NBEA: variants seen among roughly 807,000 people sequenced by gnomAD.
The protein encoded by NBEA is neurobeachin.
In NBEA, 44 loss-of-function variants were observed where a neutral mutation model predicts 343.4. The observed-to-expected ratio is 0.13, with a 90% CI of 0.10 to 0.16. NBEA has a LOEUF of 0.16. NBEA is among the 10% of genes least tolerant of loss of function. The pLI is 1.00. For missense variants in NBEA, 2,555 were observed against 3,631.3 expected, an observed-to-expected ratio of 0.70 and a Z score of 7.62; for synonymous variants, 1,175 against 1,238.7, an observed-to-expected ratio of 0.95 and a Z score of 1.08.
intron 44 of NBEA, among the ~76,000 whole-genome samples, chr13:35,557,644 C>T (rs578104545): frequency 5.1e-4 from 78 of 152,144 alleles, no homozygotes; most frequent in Non-Finnish European, 9.0e-4. Context: ...ACATGAAAGC[C>T]TGACTATTGT....
chr13:35,065,840 A>G (rs1160121391), intron 8 of NBEA, among the ~76,000 whole-genome samples: 1 of 152,068 alleles, frequency 6.6e-6, no homozygotes, highest in Non-Finnish European at 1.5e-5. Flanking sequence ...ATTCCTTTAT[A>G]TTATTGATTT....
chr13:34,994,198 C>CGA (rs1333878217), intron 1 of NBEA, among the ~76,000 whole-genome samples: 1 of 29,922 alleles, frequency 3.3e-5, no homozygotes, highest in Non-Finnish European at 8.9e-5. Context: ...GCTCTGTCTC[C>CGA]AAAAAAAAAA....
chr13:35,100,531 T>C (rs1343357897), intron 11 of NBEA, among the ~76,000 whole-genome samples: 2 of 152,016 alleles, frequency 1.3e-5, no homozygotes, highest in African/African-American at 4.8e-5. Context: ...GATTACTGTG[T>C]GTGACAGGAT....
In NBEA at chr13:35,066,933, A is replaced by T. The variant is rs1342235204; in HGVS notation, c.1240-2975A>T. On this transcript the variant is annotated intron_variant, in intron 8 of 58. Transcript: ENST00000379939. ...ATTTTTAAATAATTTTTTTCACTTA[A>T]AAAACATTTCTTTAGTGATTGCAGT... 2.6e-5 allele frequency among the ~76,000 whole-genome samples: 4 copies of T among 151,890 alleles called. No individual in the cohort carries two copies. The East Asian group carries it at 7.7e-4, about 29-fold the overall frequency.
intron 38 of NBEA, among the ~76,000 whole-genome samples, chr13:35,427,686 A>T (rs2044790264): frequency 6.6e-6 from 1 of 152,218 alleles, no homozygotes; most frequent in Non-Finnish European, 1.5e-5. Context: ...TTAAGTCTGC[A>T]GAGGTTACTG....
chr13:34,966,395 G>A (rs1173656798), intron 1 of NBEA, among the ~76,000 whole-genome samples: 1 of 151,994 alleles, frequency 6.6e-6, no homozygotes, highest in Non-Finnish European at 1.5e-5. Flanking sequence ...CCCAAGTTGT[G>A]CTTGTTTCTC....
intron 17 of NBEA, among the ~76,000 whole-genome samples, chr13:35,137,593 G>A (rs1263869908): frequency 6.6e-6 from 1 of 151,884 alleles, no homozygotes; most frequent in Admixed American, 6.6e-5. Context: ...ATAAAATTTA[G>A]TATGAGTTTC....
intron 1 of NBEA, among the ~76,000 whole-genome samples, chr13:34,981,722 T>C (rs961958045): frequency 2.6e-5 from 4 of 152,018 alleles, no homozygotes; most frequent in African/African-American, 4.8e-5. Context: ...TGCACTTTTC[T>C]TTGTGGGAAG....
intron 7 of NBEA, among the ~76,000 whole-genome samples, chr13:35,058,464 A>G (rs1177714971): frequency 6.6e-6 from 1 of 152,072 alleles, no homozygotes; most frequent in Non-Finnish European, 1.5e-5. Context: ...GTATTTGAAA[A>G]GTGGTAAGTC....
At chr13:35,543,571 C>G (rs1356111032) in intron 41 of NBEA, among the ~76,000 whole-genome samples, 1 of 152,210 alleles carries the variant, frequency 6.6e-6, no homozygotes, top group South Asian at 2.1e-4. Context: ...CTTTCCAATG[C>G]CTCCATCAGG....
intron 1 of NBEA, among the ~76,000 whole-genome samples, chr13:34,998,319 C>T (rs1478624304): frequency 6.6e-6 from 1 of 152,038 alleles, no homozygotes; most frequent in Non-Finnish European, 1.5e-5. Flanking sequence ...AGGACTGGGG[C>T]AAAATTAAAA....
At chr13:35,372,178 G>T (rs188823833) in intron 38 of NBEA, among the ~76,000 whole-genome samples, 85 of 152,328 alleles carry the variant, frequency 5.6e-4, no homozygotes, top group African/African-American at 2.0e-3. Flanking sequence ...TCCCTGGGCA[G>T]TGGGCGTGGT....
At chr13:35,061,400 G>A (rs1403476015) in intron 8 of NBEA, among the ~76,000 whole-genome samples, 1 of 151,672 alleles carries the variant, frequency 6.6e-6, no homozygotes, top group Non-Finnish European at 1.5e-5. Flanking sequence ...TATCAGATAA[G>A]TTTACTGTGG....
intron 24 of NBEA, among the ~76,000 whole-genome samples, chr13:35,168,349 CTTA>C (rs1271890552): frequency 6.6e-6 from 1 of 151,466 alleles, no homozygotes; most frequent in African/African-American, 2.4e-5. Context: ...GAATCTTAAA[CTTA>C]GTATAATACC....
chr13:35,596,237 C>T (rs781315609), intron 47 of NBEA, among the ~76,000 whole-genome samples: 1 of 151,974 alleles, frequency 6.6e-6, no homozygotes, highest in Non-Finnish European at 1.5e-5. Flanking sequence ...CTAGTGCTAA[C>T]TTGAGAATCT....
At chr13:35,426,655 T>G (rs947491002) in intron 38 of NBEA, among the ~76,000 whole-genome samples, 10 of 152,174 alleles carry the variant, frequency 6.6e-5, no homozygotes, top group Admixed American at 4.6e-4. Flanking sequence ...AGTATCTTTG[T>G]GGCGGTCTCT....
rs1231768419 is a variant in NBEA at position 35,452,161 on chromosome 13, A to C, written c.6374A>C (p.Glu2125Ala). ...CAAGCAATAGTGAACCAAAATGCAG[A>C]GACAGAACTTATGCTGGAAGGAGAC... ...RSQAIVNQNAETELMLEGDDD... is the reference protein window; with the variant it reads ...RSQAIVNQNAATELMLEGDDD... Residue 2125 changes from glutamate (E) to alanine (A), a missense_variant, in exon 40 of 59, where the codon GAG (glutamate) becomes GCG (alanine). Coordinates refer to ENST00000379939, the MANE Select transcript of NBEA (RefSeq NM_001385012.1). The C allele has an allele frequency of 6.2e-7, 1 of 1,610,640 alleles. No homozygotes were observed. The highest frequency in any genetic ancestry group is 1.1e-5 in the South Asian group (1 of 90,404).
chr13:35,064,912 C>T (rs1242099054), intron 8 of NBEA, among the ~76,000 whole-genome samples: 2 of 151,158 alleles, frequency 1.3e-5, no homozygotes, highest in Non-Finnish European at 2.9e-5. Flanking sequence ...AATTAAACTT[C>T]TTTTATTTAA....
At chr13:35,522,986 G>T (rs2077790958) in intron 41 of NBEA, among the ~76,000 whole-genome samples, 1 of 152,168 alleles carries the variant, frequency 6.6e-6, no homozygotes, top group Non-Finnish European at 1.5e-5. Flanking sequence ...ATACTGTGGA[G>T]CTGGAATCAA....
Sources: allele counts gnomAD v4.1 joint callset (sites outside exome capture counted in the v4.1 genomes callset), GRCh38; gene constraint gnomAD v4.1.1; transcripts MANE v1.5; gene names NCBI Gene and HGNC (gene_info 2026-07-23, HGNC 2026-07-21).